The following RFC3 variants were observed in gnomAD, a reference collection of about 807,000 sequenced individuals.
RFC3 encodes the protein A1 38 kDa subunit.
A neutral mutation model predicts 45.1 loss-of-function variants in RFC3; 41 were observed. That is an observed-to-expected ratio of 0.91 (90% confidence interval 0.71 to 1.18). The LOEUF is 1.18. Ranked by LOEUF, RFC3 falls within the 50% of genes most tolerant of loss-of-function variation. The pLI is 0.00. For synonymous variants in RFC3, 149 were observed against 144.0 expected, an observed-to-expected ratio of 1.03 and a Z score of -0.25; for missense variants, 423 against 428.1, an observed-to-expected ratio of 0.99 and a Z score of 0.10.
intron 8 of RFC3, among the ~76,000 whole-genome samples, chr13:33,953,041 G>C (rs1248873259): frequency 6.6e-6 from 1 of 152,094 alleles, no homozygotes; most frequent in Non-Finnish European, 1.5e-5. Context: ...CATGCATACA[G>C]TTGTCTTTGA....
At position 33,835,143 on chromosome 13, in the gene RFC3, T is replaced by TGTAGGCTCCTTGAA. The variant is rs2082141498; in HGVS notation, c.810-2_821dup. The TGTAGGCTCCTTGAA allele has an allele frequency of 6.3e-7, 1 of 1,591,328 alleles. No individual in the cohort carries two copies. The highest frequency in any genetic ancestry group is 1.1e-5 in the South Asian group (1 of 88,876). On this transcript the variant is annotated splice_polypyrimidine_tract_variant and splice_region_variant and intron_variant, in intron 7 of 8. Coordinates refer to ENST00000380071, the MANE Select transcript of RFC3 (RefSeq NM_002915.4). ...ACAAAATACCAATTATTTTGTTTTA[T>TGTAGGCTCCTTGAA]GTAGGCTCCTTGAAGTTCGTGGAAG...
At chr13:33,864,189 A>G (rs1047052456) in intron 8 of RFC3, among the ~76,000 whole-genome samples, 2 of 152,058 alleles carry the variant, frequency 1.3e-5, no homozygotes, top group African/African-American at 4.8e-5. Context: ...GTAGAATGAT[A>G]AATCATTCAT....
intron 8 of RFC3, among the ~76,000 whole-genome samples, chr13:33,879,434 A>G (rs1331338859): frequency 2.6e-5 from 4 of 152,172 alleles, no homozygotes; most frequent in Non-Finnish European, 5.9e-5. Flanking sequence ...TCAGCTCAAG[A>G]CCTGCTCTCT....
intron 8 of RFC3, among the ~76,000 whole-genome samples, chr13:33,920,613 A>G (rs994235152): frequency 5.3e-5 from 8 of 151,480 alleles, no homozygotes; most frequent in African/African-American, 1.9e-4. Flanking sequence ...ATTTTTTTGT[A>G]GAGATTGAGG....
chr13:33,861,605 A>T (rs1185527228), intron 8 of RFC3, among the ~76,000 whole-genome samples: 1 of 151,098 alleles, frequency 6.6e-6, no homozygotes, highest in Admixed American at 6.6e-5. Context: ...AGATCATGCC[A>T]CTTCGTTCCA....
chr13:33,824,461 A>G (rs1033033017), intron 3 of RFC3, among the ~76,000 whole-genome samples: 3 of 152,186 alleles, frequency 2.0e-5, no homozygotes, highest in African/African-American at 4.8e-5. Context: ...CAGTAATAAG[A>G]ATTAGGAACT....
chr13:33,957,601 G>A (rs1234571575), intron 8 of RFC3, among the ~76,000 whole-genome samples: 1 of 152,122 alleles, frequency 6.6e-6, no homozygotes, highest in African/African-American at 2.4e-5. Flanking sequence ...TGCTCTAAAG[G>A]ATGAATAGTT....
intron 8 of RFC3, among the ~76,000 whole-genome samples, chr13:33,938,437 A>G (rs1364156834): frequency 1.3e-5 from 2 of 152,146 alleles, no homozygotes; most frequent in African/African-American, 2.4e-5. Flanking sequence ...AGTAAAAACC[A>G]TGAAGAAGCA....
chr13:33,920,420 C>CT (rs777079510), intron 8 of RFC3, among the ~76,000 whole-genome samples: 6,285 of 83,052 alleles, frequency 0.076, 694 homozygotes, highest in African/African-American at 0.16. Flanking sequence ...TACAACCACA[C>CT]TTTTTTTTTT....
At chr13:33,832,575 T>C (rs2082114798) in intron 7 of RFC3, among the ~76,000 whole-genome samples, 2 of 152,164 alleles carry the variant, frequency 1.3e-5, no homozygotes, top group South Asian at 2.1e-4. Flanking sequence ...TCAATTATTT[T>C]AGTTGAAGAA....
At chr13:33,967,145 G>A (rs1037342741), downstream of RFC3, among the ~76,000 whole-genome samples, 1 of 151,768 alleles carries the variant, frequency 6.6e-6, no homozygotes, top group Non-Finnish European at 1.5e-5. Context: ...TGACAAGAGT[G>A]AGACTCTACC....
intron 4 of RFC3, among the ~76,000 whole-genome samples, chr13:33,827,639 T>G (rs2082062914): frequency 6.6e-6 from 1 of 152,218 alleles, no homozygotes; most frequent in Non-Finnish European, 1.5e-5. Flanking sequence ...TACAGTTGAA[T>G]TAACCTATTC....
intron 7 of RFC3, among the ~76,000 whole-genome samples, chr13:33,834,329 T>TATACACATAC (rs1300798923): frequency 2.7e-4 from 34 of 125,086 alleles, no homozygotes; most frequent in East Asian, 4.7e-4. Context: ...TATATATATA[T>TATACACATAC]ATCTGTACTG....
the RFC3 span, among the ~76,000 whole-genome samples, chr13:33,973,049 A>C: frequency 6.6e-6 from 1 of 152,176 alleles, no homozygotes; most frequent in Non-Finnish European, 1.5e-5. Context: ...GATGATATAG[A>C]AAATAACACA....
chr13:33,843,022 A>T (rs1263742156), intron 8 of RFC3, among the ~76,000 whole-genome samples: 1 of 152,196 alleles, frequency 6.6e-6, no homozygotes, highest in Non-Finnish European at 1.5e-5. Flanking sequence ...GTAATAGTAC[A>T]TTAAATATTA....
At chr13:33,821,416 C>A in intron 2 of RFC3, 147 bp downstream of exon 2, 1 of 760,136 alleles carries the variant, frequency 1.3e-6, no homozygotes. Flanking sequence ...GATTTGAGAG[C>A]TACTGATATG....
At chr13:33,818,308 C>G in intron 1 of RFC3, 43 bp downstream of exon 1, 1 of 1,566,324 alleles carries the variant, frequency 6.4e-7, no homozygotes, top group Non-Finnish European at 8.8e-7. Context: ...GGGAGGCCCC[C>G]CGGCTCGGGG....
intron 8 of RFC3, among the ~76,000 whole-genome samples, chr13:33,888,881 G>A (rs992316842): frequency 6.6e-6 from 1 of 151,912 alleles, no homozygotes; most frequent in Non-Finnish European, 1.5e-5. Flanking sequence ...GAGTAGCTGG[G>A]ACTACAGGCG....
intron 8 of RFC3, among the ~76,000 whole-genome samples, chr13:33,867,211 G>C (rs1013389826): frequency 3.3e-5 from 5 of 152,152 alleles, no homozygotes; most frequent in Non-Finnish European, 5.9e-5. Flanking sequence ...GCCAATACCC[G>C]ATTTTACAAA....
Sources: allele counts gnomAD v4.1 joint callset (sites outside exome capture counted in the v4.1 genomes callset), GRCh38; gene constraint gnomAD v4.1.1; transcripts MANE v1.5; gene names NCBI Gene and HGNC (gene_info 2026-07-23, HGNC 2026-07-21).